DCUN1D4: variants seen among roughly 807,000 people sequenced by gnomAD.
The protein encoded by DCUN1D4 is defective in cullin neddylation 1 domain containing 4, also known as DCN1-like protein 4.
DCUN1D4 carries 22 observed loss-of-function variants against 47.9 expected under a neutral mutation model. The ratio of observed to expected loss-of-function variants is 0.46; its 90% CI spans 0.33 to 0.66. The LOEUF (loss-of-function observed/expected upper bound fraction) is 0.66, where lower values mean the gene tolerates loss of function less well. Ranked by LOEUF, DCUN1D4 falls within the 30% of genes least tolerant of loss-of-function variation. The probability of loss-of-function intolerance (pLI) is 0.02; values close to 1 mark genes in which losing one functional copy is unlikely to be tolerated. For synonymous variants in DCUN1D4, 121 were observed against 112.2 expected (o/e 1.08, Z -0.50); for missense variants, 301 against 340.8 (o/e 0.88, Z 0.92).
intron 1 of DCUN1D4, among the ~76,000 whole-genome samples, chr4:51,847,742 C>T (rs971856285): frequency 4.6e-5 from 7 of 152,076 alleles, no homozygotes; most frequent in African/African-American, 1.7e-4. Context: ...ATGCACGCCA[C>T]TGCACCCGGC....
chr4:51,870,504 CTT>C (rs78387274), intron 3 of DCUN1D4, among the ~76,000 whole-genome samples: 5 of 142,202 alleles, frequency 3.5e-5, no homozygotes, highest in African/African-American at 1.0e-4. Context: ...TGGAAATGTA[CTT>C]TTTTTTTTTT....
At chr4:51,878,405 T>A (rs934310821) in intron 5 of DCUN1D4, among the ~76,000 whole-genome samples, 5 of 152,070 alleles carry the variant, frequency 3.3e-5, no homozygotes, top group African/African-American at 1.2e-4. Context: ...AAAGAAAAAA[T>A]TTTCAAACAA....
chr4:51,853,566 A>G (rs1723679518), intron 1 of DCUN1D4, among the ~76,000 whole-genome samples: 1 of 152,196 alleles, frequency 6.6e-6, no homozygotes, highest in Non-Finnish European at 1.5e-5. Flanking sequence ...GGCTACTGGC[A>G]CGCCAGGGAT....
At chr4:51,913,227 T>C (rs1733962314) in intron 9 of DCUN1D4, 63 bp from the exon 10 acceptor site, 2 of 1,058,136 alleles carry the variant, frequency 1.9e-6, no homozygotes, top group South Asian at 3.1e-5. Flanking sequence ...CATAAAGCAA[T>C]TGAAACCGTC....
At chr4:51,857,760 C>T (rs1724371737) in intron 1 of DCUN1D4, among the ~76,000 whole-genome samples, 1 of 152,166 alleles carries the variant, frequency 6.6e-6, no homozygotes, top group South Asian at 2.1e-4. Flanking sequence ...CTTTGCCTTC[C>T]TGTTCAGTCT....
chr4:51,843,130 G>A (rs1304340291), upstream of DCUN1D4: 1 of 1,493,562 alleles, frequency 6.7e-7, no homozygotes, highest in Non-Finnish European at 8.9e-7. Context: ...GGGCGGGCTG[G>A]GAGTGCCCGG....
chr4:51,906,954 G>A (rs1176572730), intron 8 of DCUN1D4, among the ~76,000 whole-genome samples: 3 of 152,114 alleles, frequency 2.0e-5, no homozygotes, highest in Non-Finnish European at 2.9e-5. Context: ...TTATAAATTG[G>A]GGATTATAGT....
chr4:51,843,148 T>C, upstream of DCUN1D4: 1 of 1,508,620 alleles, frequency 6.6e-7, no homozygotes, highest in South Asian at 1.2e-5. Context: ...CGGCGGCGGG[T>C]CCTCAGCTTC....
the DCUN1D4 span, among the ~76,000 whole-genome samples, chr4:51,837,876 A>C: frequency 6.6e-6 from 1 of 152,058 alleles, no homozygotes; most frequent in Non-Finnish European, 1.5e-5. Flanking sequence ...AGGATTTTCT[A>C]GAAAATTTAA....
chr4:51,877,930 A>G (rs191797916), intron 5 of DCUN1D4, 76 bp downstream of exon 5: 1 of 1,036,104 alleles, frequency 9.7e-7, no homozygotes, highest in East Asian at 2.5e-5. Flanking sequence ...TAAAGAATTT[A>G]AAAATGTGTA....
intron 1 of DCUN1D4, among the ~76,000 whole-genome samples, chr4:51,852,520 G>A (rs183332216): frequency 5.9e-5 from 9 of 152,206 alleles, no homozygotes; most frequent in Admixed American, 2.0e-4. Context: ...AACAGGAAAC[G>A]GGATAGTTGT....
chr4:51,840,545 T>C (rs2109761719), upstream of DCUN1D4, among the ~76,000 whole-genome samples: 1 of 152,344 alleles, frequency 6.6e-6, no homozygotes, highest in Non-Finnish European at 1.5e-5. Context: ...ATGTCAAGTC[T>C]CTTATTTTTA....
intron 1 of DCUN1D4, chr4:51,843,618 G>A: frequency 1.6e-6 from 2 of 1,250,330 alleles, no homozygotes; most frequent in Non-Finnish European, 2.0e-6. Context: ...GCTGTAGCGG[G>A]CAGGGCCGGG....
intron 3 of DCUN1D4, among the ~76,000 whole-genome samples, chr4:51,864,603 C>T (rs952866546): frequency 6.6e-6 from 1 of 152,094 alleles, no homozygotes; most frequent in African/African-American, 2.4e-5. Flanking sequence ...AGGGTCTGTT[C>T]CTCACTGATG....
At chr4:51,868,876 T>G (rs1726397963) in intron 3 of DCUN1D4, among the ~76,000 whole-genome samples, 1 of 151,938 alleles carries the variant, frequency 6.6e-6, no homozygotes, top group Non-Finnish European at 1.5e-5. Context: ...TCCTAGGACT[T>G]TGGGAGGCTG....
chr4:51,859,114 C>T (rs1371090792), intron 1 of DCUN1D4, among the ~76,000 whole-genome samples: 1 of 152,148 alleles, frequency 6.6e-6, no homozygotes, highest in Non-Finnish European at 1.5e-5. Context: ...GGGTGGAGAA[C>T]TGGGGAGCCA....
In DCUN1D4 at chr4:51,915,752, T is replaced by G. The variant is rs1384775753; in HGVS notation, c.*2168T>G. On this transcript the variant is annotated 3_prime_UTR_variant, in exon 11 of 11. Coordinates refer to ENST00000334635, the MANE Select transcript of DCUN1D4 (RefSeq NM_001040402.3). ...AGTTAATTCTAAAATGAGAGGATTGTTACAGGAGGGAGATGTTACAGTTAA... is the reference window on the plus strand; with the variant it reads ...AGTTAATTCTAAAATGAGAGGATTGGTACAGGAGGGAGATGTTACAGTTAA... The G allele has an allele frequency of 6.6e-6, 1 of 152,566 alleles. No individual in the cohort carries two copies. The highest frequency in any genetic ancestry group is 1.5e-5 in the Non-Finnish European group (1 of 67,998). 9.5% of individuals were successfully genotyped at this position (152,566 alleles called of 1,614,324 possible).
At chr4:51,899,493 C>A in intron 8 of DCUN1D4, 115 bp downstream of exon 8, 1 of 1,473,474 alleles carries the variant, frequency 6.8e-7, no homozygotes, top group Non-Finnish European at 8.9e-7. Context: ...AGTTAACTCC[C>A]AGGATGCTAG....
At chr4:51,855,022 C>T (rs1470371478) in intron 1 of DCUN1D4, among the ~76,000 whole-genome samples, 2 of 152,114 alleles carry the variant, frequency 1.3e-5, no homozygotes, top group Non-Finnish European at 2.9e-5. Flanking sequence ...ATAAGGGATA[C>T]TCCAAAAGAT....
Sources: allele counts gnomAD v4.1 joint callset (sites outside exome capture counted in the v4.1 genomes callset), GRCh38; gene constraint gnomAD v4.1.1; transcripts MANE v1.5; gene names NCBI Gene and HGNC (gene_info 2026-07-23, HGNC 2026-07-21).